The following APOH variants were observed in gnomAD, a reference collection of about 807,000 sequenced individuals.
APOH encodes beta-2-glycoprotein 1.
In APOH, 48 loss-of-function variants were observed where a neutral mutation model predicts 39.8. The observed-to-expected ratio is 1.21, with a 90% confidence interval of 0.96 to 1.54. The LOEUF (loss-of-function observed/expected upper bound fraction) is 1.54. Ranked by LOEUF, APOH falls within the 40% of genes most tolerant of loss-of-function variation. The pLI is 0.00. For synonymous variants in APOH, 153 were observed against 151.1 expected (o/e 1.01, Z -0.09); for missense variants, 415 against 421.2 (o/e 0.99, Z 0.13).
chr17:66,223,203 G>A (rs1287876534), intron 4 of APOH, among the ~76,000 whole-genome samples: 2 of 152,152 alleles, frequency 1.3e-5, no homozygotes, highest in East Asian at 3.9e-4. Flanking sequence ...TGCCTCCTTT[G>A]GCCTTGCAGC....
chr17:66,213,949 A>T, intron 7 of APOH, among the ~76,000 whole-genome samples: 1 of 151,888 alleles, frequency 6.6e-6, no homozygotes, highest in Non-Finnish European at 1.5e-5. Context: ...AAAAAAAAAA[A>T]TTGGAAAGGA....
chr17:66,219,651 G>C (rs1269266607), intron 5 of APOH, among the ~76,000 whole-genome samples: 4 of 152,170 alleles, frequency 2.6e-5, no homozygotes, highest in African/African-American at 9.7e-5. Flanking sequence ...AGGAGCAGTG[G>C]CTTACACCTG....
chr17:66,227,928 T>C, intron 2 of APOH, 92 bp downstream of exon 2: 5 of 1,394,918 alleles, frequency 3.6e-6, no homozygotes, highest in Non-Finnish European at 4.0e-6. Flanking sequence ...CTACTGGCCC[T>C]CTGCACTCTG....
In APOH at chr17:66,226,015, T is replaced by C. The variant is rs373313951; in HGVS notation, c.338+13A>G. The C allele has an allele frequency of 4.4e-6, 7 of 1,594,184 alleles. No homozygotes were observed. The highest frequency in any genetic ancestry group is 3.4e-5 in the Admixed American group (2 of 59,584). ...TCAGTCTGTTAACTGCTTAGTTCCA[T>C]GAAAGTTCTTACCCAGTGTTACAAG... On this transcript the variant is annotated intron_variant, in intron 3 of 7. Transcript: ENST00000205948.
At chr17:66,219,174 G>A (rs183647447) in intron 5 of APOH, among the ~76,000 whole-genome samples, 2 of 151,986 alleles carry the variant, frequency 1.3e-5, no homozygotes, top group African/African-American at 4.8e-5. Flanking sequence ...GCATGATATC[G>A]TTGTTGTTAT....
chr17:66,224,028 A>C (rs1442068097), intron 3 of APOH, among the ~76,000 whole-genome samples: 1 of 152,162 alleles, frequency 6.6e-6, no homozygotes, highest in East Asian at 1.9e-4. Context: ...ATCTTTAAAG[A>C]GTTGGCCAAG....
chr17:66,224,776 A>T (rs2073429425), intron 3 of APOH, among the ~76,000 whole-genome samples: 1 of 149,884 alleles, frequency 6.7e-6, no homozygotes, highest in South Asian at 2.1e-4. Context: ...AGGAAAGGAA[A>T]GGAAAGGAGC....
At chr17:66,218,686 T>C (rs889005924) in intron 5 of APOH, among the ~76,000 whole-genome samples, 11 of 152,170 alleles carry the variant, frequency 7.2e-5, no homozygotes, top group Admixed American at 2.0e-4. Context: ...TCTTCAAAAA[T>C]GTCAATGAAA....
At chr17:66,228,419 T>G (rs531729935) in intron 1 of APOH, among the ~76,000 whole-genome samples, 58 of 152,256 alleles carry the variant, frequency 3.8e-4, no homozygotes, top group Non-Finnish European at 8.2e-4. Context: ...GAGGCTTAAA[T>G]TGGCTACGTA....
intron 7 of APOH, among the ~76,000 whole-genome samples, chr17:66,212,395 C>CT (rs976730733): frequency 2.6e-5 from 4 of 151,818 alleles, no homozygotes; most frequent in African/African-American, 7.3e-5. Flanking sequence ...TTTCTTTTTC[C>CT]TTTTTTTAAG....
intron 4 of APOH, among the ~76,000 whole-genome samples, chr17:66,223,421 C>A (rs1322424744): frequency 6.6e-6 from 1 of 152,168 alleles, no homozygotes. Flanking sequence ...ACTATGAGAG[C>A]ATTGGAGTCA....
At chr17:66,214,863 C>G (rs1039854592) in intron 6 of APOH, among the ~76,000 whole-genome samples, 4 of 151,204 alleles carry the variant, frequency 2.6e-5, no homozygotes, top group African/African-American at 4.9e-5. Flanking sequence ...AGATGGCCTT[C>G]TCTTCCCCTA....
In APOH at chr17:66,214,647, G is replaced by A. The variant is rs1471876095; in HGVS notation, c.788C>T (p.Ser263Phe). Residue 263 changes from serine (S) to phenylalanine (F), a missense_variant, in exon 7 of 8, where the codon TCT (serine) becomes TTT (phenylalanine). Coordinates refer to ENST00000205948, the MANE Select transcript of APOH (RefSeq NM_000042.3). ...GGCTTTTTTCACAGGTACTTTACAA[G>A]ATGCTGAAAGAGAGAATACTTGTAA... Reference protein sequence around the residue: ...NWSAMPSCKASCKVPVKKATV... With the variant: ...NWSAMPSCKAFCKVPVKKATV... 3.1e-6 allele frequency: 5 copies of A among 1,610,032 alleles called. No homozygotes were observed. In the African/African-American group the frequency reaches 6.7e-5, roughly 22 times the overall value.
In APOH at chr17:66,214,658, A is replaced by G. The variant is rs375930225; in HGVS notation, c.785-8T>C. 6 of 1,606,614 alleles carry G rather than the reference A, an allele frequency of 3.7e-6. No individual in the cohort carries two copies. The highest frequency in any genetic ancestry group is 4.3e-6 in the Non-Finnish European group (5 of 1,174,582). ...CAGGTACTTTACAAGATGCTGAAAG[A>G]GAGAATACTTGTAATCAGGACTTAA... On this transcript the variant is annotated splice_polypyrimidine_tract_variant and splice_region_variant and intron_variant, in intron 6 of 7. Coordinates refer to ENST00000205948, the MANE Select transcript of APOH (RefSeq NM_000042.3).
At chr17:66,217,493 A>T (rs1413301593) in intron 5 of APOH, among the ~76,000 whole-genome samples, 1 of 152,086 alleles carries the variant, frequency 6.6e-6, no homozygotes, top group Non-Finnish European at 1.5e-5. Context: ...GATCCTCAAC[A>T]GTAGAGGCCC....
intron 3 of APOH, among the ~76,000 whole-genome samples, chr17:66,225,711 A>G (rs2073435099): frequency 6.6e-6 from 1 of 152,162 alleles, no homozygotes; most frequent in African/African-American, 2.4e-5. Context: ...CCCCGTCTCT[A>G]CTAAAAACAC....
At chr17:66,215,421 G>T (rs769402647) in intron 6 of APOH, among the ~76,000 whole-genome samples, 10 of 152,216 alleles carry the variant, frequency 6.6e-5, no homozygotes, top group Non-Finnish European at 1.5e-4. Flanking sequence ...AAGCCTTCCA[G>T]GTGTTGCTGA....
At chr17:66,227,283 G>T (rs1018650865) in intron 2 of APOH, among the ~76,000 whole-genome samples, 1 of 152,122 alleles carries the variant, frequency 6.6e-6, no homozygotes, top group African/African-American at 2.4e-5. Flanking sequence ...AAATCAACTT[G>T]CATGAACATG....
At chr17:66,224,637 A>AGAAGGGAAGGGAAGGGAAGG (rs1194664089) in intron 3 of APOH, among the ~76,000 whole-genome samples, 13 of 51,898 alleles carry the variant, frequency 2.5e-4, no homozygotes, top group South Asian at 1.0e-3. Flanking sequence ...AGAAAGGAAG[A>AGAAGGGAAGGGAAGGGAAGG]GAAGGGAAGG....
Sources: gnomAD v4.1 joint callset for allele counts (sites outside exome capture counted in the v4.1 genomes callset) on GRCh38, gnomAD v4.1.1 for gene constraint, MANE v1.5 for transcripts, NCBI Gene and HGNC (gene_info 2026-07-23, HGNC 2026-07-21) for gene names.